SHTN1: variants seen among roughly 807,000 people sequenced by gnomAD.
SHTN1 encodes shootin-1.
A neutral mutation model predicts 83.1 loss-of-function variants in SHTN1; 42 were observed. The observed-to-expected ratio is 0.51, with a 90% CI of 0.39 to 0.65. The LOEUF is 0.65. Ranked by LOEUF, SHTN1 falls within the 30% of genes least tolerant of loss-of-function variation. The pLI is 0.00. For missense variants in SHTN1, 622 were observed against 737.8 expected (o/e 0.84, Z 1.82); for synonymous variants, 224 against 247.7 (o/e 0.90, Z 0.90).
At chr10:116,954,850 A>AG (rs927886040) in intron 4 of SHTN1, among the ~76,000 whole-genome samples, 2 of 152,176 alleles carry the variant, frequency 1.3e-5, no homozygotes, top group African/African-American at 4.8e-5. Flanking sequence ...CAAGGAAAAG[A>AG]GGAAGGTAGT....
intron 4 of SHTN1, among the ~76,000 whole-genome samples, chr10:116,956,416 G>T (rs1007784538): frequency 2.0e-5 from 3 of 152,158 alleles, no homozygotes; most frequent in African/African-American, 7.2e-5. Flanking sequence ...TAAGAATTAA[G>T]ATAGTCTGTA....
At chr10:117,017,690 C>T (rs1014699530) in intron 2 of SHTN1, among the ~76,000 whole-genome samples, 2 of 152,052 alleles carry the variant, frequency 1.3e-5, no homozygotes, top group Non-Finnish European at 2.9e-5. Flanking sequence ...TATAACTCCC[C>T]TTTCCTTGAG....
At chr10:117,090,336 A>C (rs1289327603) in intron 1 of SHTN1, among the ~76,000 whole-genome samples, 1 of 152,192 alleles carries the variant, frequency 6.6e-6, no homozygotes, top group Non-Finnish European at 1.5e-5. Context: ...TATCCCACTG[A>C]TAAAGGTACC....
intron 1 of SHTN1, among the ~76,000 whole-genome samples, chr10:117,114,127 T>C (rs1238478360): frequency 6.6e-6 from 1 of 152,188 alleles, no homozygotes; most frequent in African/African-American, 2.4e-5. Context: ...GAGGATTCCC[T>C]GAGCCTAGGA....
At chr10:116,970,550 C>T (rs1475262692) in intron 2 of SHTN1, among the ~76,000 whole-genome samples, 1 of 152,010 alleles carries the variant, frequency 6.6e-6, no homozygotes, top group Non-Finnish European at 1.5e-5. Context: ...CCCATCTCTA[C>T]TAAAAATACA....
intron 9 of SHTN1, among the ~76,000 whole-genome samples, chr10:116,935,628 T>A (rs1270892244): frequency 2.0e-5 from 3 of 152,178 alleles, no homozygotes; most frequent in Non-Finnish European, 2.9e-5. Flanking sequence ...GAAATTTTCT[T>A]TTTTTGTTGT....
At chr10:117,102,016 A>AAGG (rs1366520591) in intron 1 of SHTN1, among the ~76,000 whole-genome samples, 2 of 148,990 alleles carry the variant, frequency 1.3e-5, no homozygotes, top group Non-Finnish European at 1.5e-5. Flanking sequence ...GAAAAAAAAA[A>AAGG]AGAAGAAGAA....
At chr10:117,005,402 G>T, upstream of SHTN1, 1 of 1,173,634 alleles carries the variant, frequency 8.5e-7, no homozygotes, top group South Asian at 2.2e-5. Context: ...TGGTGGGAGG[G>T]GGGGCGGCCC....
intron 16 of SHTN1, among the ~76,000 whole-genome samples, chr10:116,887,689 T>G (rs1461952204): frequency 2.6e-5 from 4 of 152,222 alleles, no homozygotes; most frequent in Non-Finnish European, 4.4e-5. Flanking sequence ...AATTGTTTCC[T>G]GTCTGTCTCT....
At chr10:116,891,879 G>A (rs973550667) in intron 16 of SHTN1, among the ~76,000 whole-genome samples, 2 of 151,900 alleles carry the variant, frequency 1.3e-5, no homozygotes, top group African/African-American at 4.8e-5. Flanking sequence ...TTTTGTTTTG[G>A]GTACTTTTTC....
intron 1 of SHTN1, among the ~76,000 whole-genome samples, chr10:117,093,953 G>A (rs1564957256): frequency 1.3e-5 from 2 of 152,156 alleles, no homozygotes; most frequent in Non-Finnish European, 2.9e-5. Context: ...CTGGAGAAAT[G>A]ATTTTGAGGG....
chr10:117,025,669 AG>A (rs1185277302), intron 2 of SHTN1, among the ~76,000 whole-genome samples: 1 of 152,060 alleles, frequency 6.6e-6, no homozygotes, highest in African/African-American at 2.4e-5. Context: ...GCTTGAGGAG[AG>A]GAGAGGAGAG....
At chr10:117,101,673 T>C (rs1233800305) in intron 1 of SHTN1, among the ~76,000 whole-genome samples, 1 of 152,094 alleles carries the variant, frequency 6.6e-6, no homozygotes, top group African/African-American at 2.4e-5. Flanking sequence ...CAGAAAGACA[T>C]ATATTTTCTC....
chr10:117,048,335 T>A (rs962230128), intron 2 of SHTN1: 1 of 250,908 alleles, frequency 4.0e-6, no homozygotes, highest in Non-Finnish European at 6.3e-6. Context: ...TAATCAACAC[T>A]CATTCACAAA....
chr10:117,086,444 T>C (rs1400486339), intron 1 of SHTN1, among the ~76,000 whole-genome samples: 1 of 152,244 alleles, frequency 6.6e-6, no homozygotes, highest in African/African-American at 2.4e-5. Flanking sequence ...CACATTTTAA[T>C]TAATTATGAA....
Position 116,886,333 on chromosome 10 carries a change from T to TG in SHTN1, c.*10dup. 6.4e-7 allele frequency: 1 copy of TG among 1,552,450 alleles called. No homozygotes were observed. Among genetic ancestry groups the TG allele is most frequent in the Non-Finnish European group, 8.7e-7 (1 of 1,147,208 alleles). On this transcript the variant is annotated 3_prime_UTR_variant, in exon 17 of 17. Transcript: ENST00000355371. Reference sequence around the variant, plus strand: ...AGGACTTCCAAACATGTCAGGCTTCTGGTTTATGGATCAGCAGTTGGAGCT... The same window carrying TG: ...AGGACTTCCAAACATGTCAGGCTTCTGGGTTTATGGATCAGCAGTTGGAGCT...
intron 3 of SHTN1, among the ~76,000 whole-genome samples, chr10:116,966,224 G>T (rs1189154100): frequency 1.3e-5 from 2 of 152,070 alleles, no homozygotes; most frequent in Non-Finnish European, 2.9e-5. Flanking sequence ...AGCCAGGATG[G>T]TCTTGATCTC....
At chr10:116,900,267 A>G (rs748766662) in intron 16 of SHTN1, 4 of 460,056 alleles carry the variant, frequency 8.7e-6, no homozygotes, top group Non-Finnish European at 1.2e-5. Flanking sequence ...TAGAGCTTTA[A>G]GTAGATAAAT....
At chr10:116,999,806 GGGAGGCTGAGGC>G (rs1851757820) in intron 1 of SHTN1, among the ~76,000 whole-genome samples, 1 of 152,072 alleles carries the variant, frequency 6.6e-6, no homozygotes, top group African/African-American at 2.4e-5. Context: ...CCAGCTACTT[GGGAGGCTGAGGC>G]GGAAGAATTG....
Sources: allele counts gnomAD v4.1 joint callset (sites outside exome capture counted in the v4.1 genomes callset), GRCh38; gene constraint gnomAD v4.1.1; transcripts MANE v1.5; gene names NCBI Gene and HGNC (gene_info 2026-07-23, HGNC 2026-07-21).